Variants in DENND5A observed in about 807,000 individuals in gnomAD.
DENND5A encodes DENN domain containing 5A.
In DENND5A, 64 loss-of-function variants were observed where a neutral mutation model predicts 140.3. That is an observed-to-expected ratio of 0.46 (90% confidence interval 0.37 to 0.56). The LOEUF is 0.56. Ranked by LOEUF, DENND5A falls within the 20% of genes least tolerant of loss-of-function variation. The pLI, the probability that DENND5A is intolerant of heterozygous loss-of-function variation, is 0.00. For missense variants in DENND5A, 1,292 were observed against 1,593.8 expected (o/e 0.81, Z 3.22); for synonymous variants, 605 against 607.7 (o/e 1.00, Z 0.07).
chr11:9,177,862 T>A, intron 8 of DENND5A: 1 of 342,388 alleles, frequency 2.9e-6, no homozygotes, highest in East Asian at 5.4e-5. Flanking sequence ...GTGTACTTCT[T>A]GCTAATATAA....
chr11:9,150,623 T>C, intron 14 of DENND5A, 57 bp downstream of exon 14: 1 of 1,305,586 alleles, frequency 7.7e-7, no homozygotes, highest in East Asian at 2.3e-5. Flanking sequence ...AGTGGACACC[T>C]AAGCAGCAAC....
intron 1 of DENND5A, among the ~76,000 whole-genome samples, chr11:9,244,675 A>G (rs1168925598): frequency 1.3e-5 from 2 of 151,082 alleles, no homozygotes; most frequent in African/African-American, 4.9e-5. Flanking sequence ...AGCCTATTTT[A>G]TTTATTTATT....
intron 16 of DENND5A, 40 bp from the exon 17 acceptor site, chr11:9,145,855 G>A (rs1417272201): frequency 2.5e-6 from 4 of 1,610,318 alleles, no homozygotes; most frequent in Admixed American, 1.7e-5. Flanking sequence ...GGAGAATTAG[G>A]AATCTTTCCC....
intron 1 of DENND5A, among the ~76,000 whole-genome samples, chr11:9,227,229 G>A (rs1850569825): frequency 2.0e-5 from 3 of 151,516 alleles, no homozygotes; most frequent in African/African-American, 7.3e-5. Flanking sequence ...AGCACAGAGT[G>A]ATATTTTCTC....
At chr11:9,219,433 G>A (rs533912392) in intron 1 of DENND5A, among the ~76,000 whole-genome samples, 1 of 152,182 alleles carries the variant, frequency 6.6e-6, no homozygotes, top group South Asian at 2.1e-4. Flanking sequence ...ATTATTTCCA[G>A]TTAGAATTAT....
chr11:9,255,822 GC>G (rs1851919950), intron 1 of DENND5A, among the ~76,000 whole-genome samples: 1 of 151,500 alleles, frequency 6.6e-6, no homozygotes, highest in African/African-American at 2.4e-5. Flanking sequence ...CCAAGATTGT[GC>G]CACTGCACTC....
intron 1 of DENND5A, among the ~76,000 whole-genome samples, chr11:9,264,475 CAG>C (rs1852353276): frequency 6.6e-6 from 1 of 152,242 alleles, no homozygotes; most frequent in South Asian, 2.1e-4. Flanking sequence ...CAATCTGACT[CAG>C]GGGGCCCAGC....
At chr11:9,262,695 C>T (rs188068558) in intron 1 of DENND5A, among the ~76,000 whole-genome samples, 14 of 152,112 alleles carry the variant, frequency 9.2e-5, no homozygotes, top group African/African-American at 3.1e-4. Context: ...AATTTGAAGA[C>T]CTTAAAAGAT....
At chr11:9,217,890 C>T (rs1204295147) in intron 1 of DENND5A, among the ~76,000 whole-genome samples, 1 of 152,144 alleles carries the variant, frequency 6.6e-6, no homozygotes, top group East Asian at 1.9e-4. Flanking sequence ...ATTATTATCA[C>T]AGATAAAAGA....
intron 1 of DENND5A, among the ~76,000 whole-genome samples, chr11:9,214,719 TTTTTG>T (rs1213826695): frequency 6.6e-6 from 1 of 151,672 alleles, no homozygotes; most frequent in Non-Finnish European, 1.5e-5. Flanking sequence ...CCACAAGACT[TTTTTG>T]TTTTGTTTTG....
At chr11:9,257,683 C>T (rs561411256) in intron 1 of DENND5A, among the ~76,000 whole-genome samples, 6 of 151,530 alleles carry the variant, frequency 4.0e-5, no homozygotes, top group Admixed American at 1.3e-4. Context: ...AGGGTTTCAC[C>T]GTGTTAGCCA....
chr11:9,165,329 A>G (rs2136148515), intron 11 of DENND5A, among the ~76,000 whole-genome samples: 1 of 152,286 alleles, frequency 6.6e-6, no homozygotes, highest in East Asian at 1.9e-4. Context: ...GTATACATTA[A>G]GTTTTTATCA....
At chr11:9,208,699 C>T (rs756666335) in intron 1 of DENND5A, among the ~76,000 whole-genome samples, 1 of 152,226 alleles carries the variant, frequency 6.6e-6, no homozygotes, top group Non-Finnish European at 1.5e-5. Flanking sequence ...AACCTTCTTT[C>T]TGTTATTAAA....
intron 1 of DENND5A, among the ~76,000 whole-genome samples, chr11:9,264,074 G>A (rs2136313824): frequency 6.6e-6 from 1 of 152,158 alleles, no homozygotes; most frequent in African/African-American, 2.4e-5. Flanking sequence ...CCACTAACTG[G>A]AAACTCCAGA....
intron 6 of DENND5A, among the ~76,000 whole-genome samples, chr11:9,179,274 AAG>A (rs1165104015): frequency 6.6e-6 from 1 of 152,188 alleles, no homozygotes; most frequent in Admixed American, 6.5e-5. Flanking sequence ...AGAAAAGTCA[AAG>A]AGTTTCACTT....
At position 9,203,409 on chromosome 11, in the gene DENND5A, T is replaced by C. The variant is rs1366964271; in HGVS notation, c.949+251A>G. The stretch of plus-strand genomic sequence containing the variant: ...CTACCCACCCCTCTTTTCACTTCAA[T>C]CAGAAGGGACATAGGAAGCAATGTT... On this transcript the variant is annotated intron_variant, in intron 4 of 22. Transcript: ENST00000328194. 28 of 395,070 alleles carry C rather than the reference T, an allele frequency of 7.1e-5. No individual in the cohort carries two copies. The South Asian group carries it at 8.6e-4, about 12-fold the overall frequency. The allele number at this position is 395,070 out of a possible 1,614,324, so 24.5% of individuals were successfully genotyped here.
intron 8 of DENND5A, among the ~76,000 whole-genome samples, chr11:9,177,268 A>G (rs965293893): frequency 4.7e-5 from 7 of 150,468 alleles, no homozygotes; most frequent in Admixed American, 6.6e-5. Flanking sequence ...AAAAAAAAAA[A>G]GAAAGAAAGA....
At chr11:9,245,199 C>T (rs149381325) in intron 1 of DENND5A, 8,702 of 147,022 alleles carry the variant, frequency 0.059, 345 homozygotes, top group South Asian at 0.1. Flanking sequence ...GCAGGAGAAT[C>T]GCTTGAACCC....
chr11:9,211,224 G>T (rs899729328), intron 1 of DENND5A, among the ~76,000 whole-genome samples: 2 of 152,178 alleles, frequency 1.3e-5, no homozygotes, highest in African/African-American at 4.8e-5. Context: ...CAGCTGGGAA[G>T]TGAAAGAGGG....
Sources: allele counts gnomAD v4.1 joint callset (sites outside exome capture counted in the v4.1 genomes callset), GRCh38; gene constraint gnomAD v4.1.1; transcripts MANE v1.5; gene names NCBI Gene and HGNC (gene_info 2026-07-23, HGNC 2026-07-21).